The following KCNIP4 variants were observed in gnomAD, a reference collection of about 807,000 sequenced individuals.
KCNIP4 encodes the protein potassium voltage-gated channel interacting protein 4.
A neutral mutation model predicts 34.0 loss-of-function variants in KCNIP4; 12 were observed. The observed-to-expected ratio is 0.35, with a 90% CI of 0.23 to 0.57. The LOEUF (loss-of-function observed/expected upper bound fraction) is 0.57, where lower values mean the gene tolerates loss of function less well. Ranked by LOEUF, KCNIP4 falls within the 20% of genes least tolerant of loss-of-function variation. The pLI, the probability that KCNIP4 is intolerant of heterozygous loss-of-function variation, is 0.83. For synonymous variants in KCNIP4, 124 were observed against 102.2 expected (o/e 1.21, Z -1.29); for missense variants, 238 against 311.7 (o/e 0.76, Z 1.78).
At chr4:21,373,969 T>TGTA (rs368213987) in intron 1 of KCNIP4, among the ~76,000 whole-genome samples, 90,416 of 145,944 alleles carry the variant, frequency 0.62, 30,363 homozygotes, top group East Asian at 0.68. Context: ...CCTCCCAAGG[T>TGTA]ATTGGGATTA....
chr4:21,769,781 C>T (rs1373672975), intron 1 of KCNIP4, among the ~76,000 whole-genome samples: 1 of 152,018 alleles, frequency 6.6e-6, no homozygotes, highest in Non-Finnish European at 1.5e-5. Flanking sequence ...AATGGGCTAG[C>T]CATCTCTCCT....
intron 3 of KCNIP4, among the ~76,000 whole-genome samples, chr4:20,773,908 G>C (rs1391461487): frequency 6.6e-6 from 1 of 152,122 alleles, no homozygotes; most frequent in Non-Finnish European, 1.5e-5. Context: ...GTAGATCTTA[G>C]AAAACAAATA....
chr4:21,519,584 G>A (rs759860760), intron 1 of KCNIP4, among the ~76,000 whole-genome samples: 1 of 37,084 alleles, frequency 2.7e-5, no homozygotes, highest in African/African-American at 1.3e-4. Context: ...ATATGTGTGT[G>A]TATGTATGTG....
intron 1 of KCNIP4, among the ~76,000 whole-genome samples, chr4:20,927,394 G>A (rs1730011586): frequency 6.6e-6 from 1 of 152,176 alleles, no homozygotes; most frequent in Non-Finnish European, 1.5e-5. Context: ...AAAGAAGTGT[G>A]TGGGAATAAA....
intron 1 of KCNIP4, among the ~76,000 whole-genome samples, chr4:21,181,796 G>T (rs2109324405): frequency 6.6e-6 from 1 of 151,968 alleles, no homozygotes; most frequent in Middle Eastern, 3.4e-3. Context: ...TCTTTCCTTT[G>T]GGCCTTTAAC....
At chr4:20,823,544 C>G (rs1403051416) in intron 3 of KCNIP4, among the ~76,000 whole-genome samples, 1 of 151,934 alleles carries the variant, frequency 6.6e-6, no homozygotes, top group Non-Finnish European at 1.5e-5. Flanking sequence ...GGGATTAGTG[C>G]AGTTATAAAA....
chr4:21,075,867 G>T (rs1295051872), intron 1 of KCNIP4, among the ~76,000 whole-genome samples: 1 of 152,118 alleles, frequency 6.6e-6, no homozygotes, highest in Non-Finnish European at 1.5e-5. Flanking sequence ...TTGCTTGTCT[G>T]TAAAGGATTT....
rs542093843 is a variant in KCNIP4, at chr4:21,492,566, G to T, written c.61+456005C>A. On this transcript the variant is annotated intron_variant, in intron 1 of 8. Transcript: ENST00000382152. The stretch of plus-strand genomic sequence containing the variant: ...TATGCATTATTGGCTGTTTTGCCAA[G>T]ATTTTGTTTTGTTAGTTCACAGTGT... Among the ~76,000 whole-genome samples, 5 of 152,200 alleles carry T rather than the reference G, an allele frequency of 3.3e-5. No individual in the cohort carries two copies. In the East Asian group the frequency reaches 9.7e-4, roughly 29 times the overall value.
At chr4:21,318,230 G>C (rs1011113924) in intron 1 of KCNIP4, among the ~76,000 whole-genome samples, 1 of 152,192 alleles carries the variant, frequency 6.6e-6, no homozygotes, top group Non-Finnish European at 1.5e-5. Flanking sequence ...ATTCTCATTA[G>C]CTCATGTAAA....
At chr4:21,867,542 G>C (rs1477831455) in intron 1 of KCNIP4, among the ~76,000 whole-genome samples, 2 of 152,168 alleles carry the variant, frequency 1.3e-5, no homozygotes, top group African/African-American at 4.8e-5. Flanking sequence ...GATCACACTA[G>C]AGGTTAGGAC....
chr4:21,741,021 C>T (rs1270423837), intron 1 of KCNIP4, among the ~76,000 whole-genome samples: 1 of 152,012 alleles, frequency 6.6e-6, no homozygotes, highest in African/African-American at 2.4e-5. Context: ...GACACAGGGA[C>T]TTGGAGAGAC....
At chr4:21,423,379 T>C (rs1400881683) in intron 1 of KCNIP4, among the ~76,000 whole-genome samples, 5 of 152,234 alleles carry the variant, frequency 3.3e-5, no homozygotes, top group Non-Finnish European at 7.3e-5. Flanking sequence ...TTCACTTAAA[T>C]GAGATATAAC....
intron 1 of KCNIP4, among the ~76,000 whole-genome samples, chr4:21,376,687 C>T (rs1043137279): frequency 1.3e-5 from 2 of 152,178 alleles, no homozygotes; most frequent in Admixed American, 1.3e-4. Flanking sequence ...GTTACGTTTG[C>T]CTTTTTGCTG....
chr4:21,285,748 G>A (rs1296587214), intron 1 of KCNIP4, among the ~76,000 whole-genome samples: 1 of 152,146 alleles, frequency 6.6e-6, no homozygotes, highest in Admixed American at 6.5e-5. Context: ...GGCTGAGGCA[G>A]GAGAATCACT....
intron 1 of KCNIP4, among the ~76,000 whole-genome samples, chr4:21,593,581 T>C (rs189595967): frequency 7.2e-5 from 11 of 152,244 alleles, no homozygotes; most frequent in African/African-American, 2.4e-4. Context: ...TGTTATCTAT[T>C]AGCACTGCAG....
chr4:21,050,984 C>T (rs527904336), intron 1 of KCNIP4, among the ~76,000 whole-genome samples: 1 of 152,198 alleles, frequency 6.6e-6, no homozygotes, highest in African/African-American at 2.4e-5. Flanking sequence ...AGATTCCCAG[C>T]TAGAAAAACT....
chr4:21,803,348 A>G (rs1414341644), intron 1 of KCNIP4, among the ~76,000 whole-genome samples: 1 of 151,978 alleles, frequency 6.6e-6, no homozygotes, highest in Non-Finnish European at 1.5e-5. Context: ...AGCTTTTATC[A>G]CTTCTCATCT....
At position 20,777,603 on chromosome 4, in the gene KCNIP4, C is replaced by T. The variant is rs540677416; in HGVS notation, c.289-18713G>A. Among the ~76,000 whole-genome samples the T allele has an allele frequency of 1.2e-4, 19 of 152,272 alleles. No homozygotes were observed. In the South Asian group the frequency reaches 3.7e-3, roughly 30 times the overall value. ...TAACCAAATCTGTCAGCACCTCGAT[C>T]CTGGACTTCCCATCCTCCAGAAATG... On this transcript the variant is annotated intron_variant, in intron 3 of 8. Transcript: ENST00000382152.
chr4:21,903,079 C>T (rs1216874744), intron 1 of KCNIP4, among the ~76,000 whole-genome samples: 1 of 152,128 alleles, frequency 6.6e-6, no homozygotes, highest in Non-Finnish European at 1.5e-5. Flanking sequence ...CATTTACATC[C>T]TACTTTATCA....
Sources: gnomAD v4.1 joint callset for allele counts (sites outside exome capture counted in the v4.1 genomes callset) on GRCh38, gnomAD v4.1.1 for gene constraint, MANE v1.5 for transcripts, NCBI Gene and HGNC (gene_info 2026-07-23, HGNC 2026-07-21) for gene names.